Variants in NALF1 observed in about 807,000 individuals in gnomAD.
NALF1 encodes the protein family with sequence similarity 155 member A.
Under a neutral mutation model 48.4 loss-of-function variants are expected in NALF1, and 3 were observed. That is an observed-to-expected ratio of 0.06 (90% CI 0.03 to 0.16). NALF1 has a LOEUF of 0.16. Ranked by LOEUF, NALF1 falls within the 10% of genes least tolerant of loss-of-function variation. NALF1 has a pLI of 1.00. For synonymous variants in NALF1, 262 were observed against 245.7 expected (o/e 1.07, Z -0.62); for missense variants, 526 against 571.5 (o/e 0.92, Z 0.81).
rs1555329721 is a variant in NALF1 at position 107,851,805 on chromosome 13, C to CATTTTTTTTTTTTTTTTTTTTT, written c.915+13876_915+13877insAAAAAAAAAAAAAAAAAAAAAT. ...GGATTAAGGGCTTTACAGGCCCTTT[C>CATTTTTTTTTTTTTTTTTTTTT]TTTTTTTTTTTTTTTTTTTTTGAGA... On this transcript the variant is annotated intron_variant, in intron 1 of 2. Coordinates refer to ENST00000375915, the MANE Select transcript of NALF1 (RefSeq NM_001080396.3). 8.6e-5 allele frequency among the ~76,000 whole-genome samples: 9 copies of CATTTTTTTTTTTTTTTTTTTTT among 104,700 alleles called. 1 individual carries two copies. The South Asian group carries it at 1.4e-3, about 16-fold the overall frequency. The allele number at this position is 104,700 out of a possible 152,430, so 68.7% of individuals were successfully genotyped here.
At chr13:107,693,019 T>C (rs1326485340) in intron 1 of NALF1, among the ~76,000 whole-genome samples, 1 of 152,150 alleles carries the variant, frequency 6.6e-6, no homozygotes, top group South Asian at 2.1e-4. Flanking sequence ...TACTCAGTAA[T>C]GGGATTGCTG....
At chr13:107,509,963 T>G (rs535375520) in intron 1 of NALF1, among the ~76,000 whole-genome samples, 5 of 152,046 alleles carry the variant, frequency 3.3e-5, no homozygotes, top group Non-Finnish European at 7.4e-5. Context: ...TGCGCCACCA[T>G]GCCCAGCTAA....
chr13:107,341,370 G>C (rs1484431937), intron 1 of NALF1, among the ~76,000 whole-genome samples: 3 of 151,910 alleles, frequency 2.0e-5, no homozygotes, highest in South Asian at 4.2e-4. Context: ...GTGTGTGTGT[G>C]TACATATGAT....
intron 1 of NALF1, among the ~76,000 whole-genome samples, chr13:107,477,022 C>A (rs1396523583): frequency 6.6e-6 from 1 of 152,004 alleles, no homozygotes; most frequent in Non-Finnish European, 1.5e-5. Flanking sequence ...CATTTGCAGT[C>A]AGGGAAACTG....
At chr13:107,242,088 C>G (rs988122519) in intron 1 of NALF1, among the ~76,000 whole-genome samples, 4 of 152,192 alleles carry the variant, frequency 2.6e-5, no homozygotes, top group Non-Finnish European at 5.9e-5. Context: ...ATTCACTGCC[C>G]TCTACTTTTT....
At chr13:107,274,751 G>C (rs575126227) in intron 1 of NALF1, among the ~76,000 whole-genome samples, 1 of 152,126 alleles carries the variant, frequency 6.6e-6, no homozygotes, top group Non-Finnish European at 1.5e-5. Flanking sequence ...TAGTATTTTA[G>C]AAAGATGGAC....
At chr13:107,592,732 A>C (rs1878632320) in intron 1 of NALF1, among the ~76,000 whole-genome samples, 2 of 151,854 alleles carry the variant, frequency 1.3e-5, no homozygotes, top group Non-Finnish European at 2.9e-5. Context: ...AGTAATTATC[A>C]AGGTCCAAAC....
chr13:107,711,407 C>A (rs534889423), intron 1 of NALF1, among the ~76,000 whole-genome samples: 5 of 152,368 alleles, frequency 3.3e-5, no homozygotes, highest in African/African-American at 1.2e-4. Context: ...GCAATCTCAG[C>A]TCACAGCAAC....
chr13:107,432,018 T>C (rs1884390248), intron 1 of NALF1, among the ~76,000 whole-genome samples: 1 of 152,190 alleles, frequency 6.6e-6, no homozygotes. Context: ...TACCTGAAAC[T>C]GGGCCATTTA....
At chr13:107,398,708 A>G (rs1264943491) in intron 1 of NALF1, among the ~76,000 whole-genome samples, 1 of 152,206 alleles carries the variant, frequency 6.6e-6, no homozygotes, top group East Asian at 1.9e-4. Context: ...GCGTCTCTCA[A>G]CACACAGCAC....
At chr13:107,286,573 T>G (rs376522829) in intron 1 of NALF1, among the ~76,000 whole-genome samples, 1 of 108,500 alleles carries the variant, frequency 9.2e-6, no homozygotes, top group East Asian at 2.5e-4. Flanking sequence ...GGTGACAGAG[T>G]AAGACCCTGT....
chr13:107,173,283 T>TC (rs935213909), intron 2 of NALF1, among the ~76,000 whole-genome samples: 4 of 152,060 alleles, frequency 2.6e-5, no homozygotes, highest in Admixed American at 1.3e-4. Flanking sequence ...CAAACATGCT[T>TC]CCCCCCAAAC....
At chr13:107,832,185 G>A (rs914251021) in intron 1 of NALF1, among the ~76,000 whole-genome samples, 7 of 151,436 alleles carry the variant, frequency 4.6e-5, no homozygotes, top group Non-Finnish European at 8.8e-5. Flanking sequence ...AAATAATGAT[G>A]GATATTCAAT....
chr13:107,246,238 T>C (rs961121569), intron 1 of NALF1, among the ~76,000 whole-genome samples: 5 of 152,240 alleles, frequency 3.3e-5, no homozygotes, highest in Admixed American at 6.5e-5. Context: ...AATCATTTTC[T>C]GCACCCTTCA....
In NALF1 at chr13:107,192,037, G is replaced by A. The variant is rs980437916; in HGVS notation, c.1087+18547C>T. Among the ~76,000 whole-genome samples, 15 of 150,694 alleles carry A rather than the reference G, an allele frequency of 1.0e-4. No homozygotes were observed. The South Asian group carries it at 1.0e-3, about 10-fold the overall frequency. On this transcript the variant is annotated intron_variant, in intron 2 of 2. Coordinates refer to ENST00000375915, the MANE Select transcript of NALF1 (RefSeq NM_001080396.3). The stretch of plus-strand genomic sequence containing the variant: ...CAGGAAAAGAAGAATGTGCATGACC[G>A]ATGATGAGAGAGAGAGAGAGACAGA...
At chr13:107,529,351 TA>T (rs1263594350) in intron 1 of NALF1, among the ~76,000 whole-genome samples, 14 of 152,094 alleles carry the variant, frequency 9.2e-5, no homozygotes, top group Non-Finnish European at 2.9e-5. Context: ...GGCCTTCAGA[TA>T]AAAAAGATGA....
In NALF1 at chr13:107,599,744, A is replaced by C. The variant is rs1010085109; in HGVS notation, c.915+265938T>G. On this transcript the variant is annotated intron_variant, in intron 1 of 2. Coordinates refer to ENST00000375915, the MANE Select transcript of NALF1 (RefSeq NM_001080396.3). ...GAATTTTAACTAGTATAATGGGATA[A>C]GAAGCTAAAAATATTAATTATCATA... Among the ~76,000 whole-genome samples the C allele has an allele frequency of 3.3e-5, 5 of 152,300 alleles. No individual in the cohort carries two copies. The East Asian group carries it at 9.7e-4, about 29-fold the overall frequency.
At chr13:107,454,939 T>G (rs565468722) in intron 1 of NALF1, among the ~76,000 whole-genome samples, 4 of 152,324 alleles carry the variant, frequency 2.6e-5, no homozygotes, top group African/African-American at 7.2e-5. Flanking sequence ...TGAAAATGTT[T>G]CTGAAGAATT....
At chr13:107,246,307 T>C (rs1157410014) in intron 1 of NALF1, among the ~76,000 whole-genome samples, 1 of 152,182 alleles carries the variant, frequency 6.6e-6, no homozygotes, top group East Asian at 1.9e-4. Context: ...TTCTTTACAT[T>C]TTATCTCAAT....
Sources: allele counts gnomAD v4.1 joint callset (sites outside exome capture counted in the v4.1 genomes callset), GRCh38; gene constraint gnomAD v4.1.1; transcripts MANE v1.5; gene names NCBI Gene and HGNC (gene_info 2026-07-23, HGNC 2026-07-21).